Variants in CKMT2 observed in about 807,000 individuals in gnomAD.
CKMT2 encodes the protein creatine kinase, mitochondrial 2.
CKMT2 carries 43 observed loss-of-function variants against 48.9 expected under a neutral mutation model. That is an observed-to-expected ratio of 0.88 (90% CI 0.69 to 1.13). The LOEUF (loss-of-function observed/expected upper bound fraction) is 1.13. CKMT2 is among the 50% of genes most tolerant of loss of function. The pLI, the probability that CKMT2 is intolerant of heterozygous loss-of-function variation, is 0.00. For missense variants in CKMT2, 472 were observed against 555.4 expected (o/e 0.85, Z 1.51); for synonymous variants, 206 against 213.0 (o/e 0.97, Z 0.29).
Position 81,233,337 on chromosome 5 carries a change from C to A in CKMT2, c.-61C>A. 1.0e-6 allele frequency: 1 copy of A among 985,760 alleles called. No individual in the cohort carries two copies. The highest frequency in any genetic ancestry group is 1.2e-6 in the Non-Finnish European group (1 of 830,196). 61.1% of individuals were successfully genotyped at this position (985,760 alleles called of 1,614,324 possible). On this transcript the variant is annotated 5_prime_UTR_variant, in exon 1 of 10. The change creates a new upstream start codon in the 5' untranslated region. Transcript: ENST00000254035. ...AGCTCGCCCTGCATACACTTCTTGG[C>A]TGTGTGCGCTCAGCAGGACGTGGGA...
At chr5:81,262,804 T>C (rs1396369140) in intron 8 of CKMT2, among the ~76,000 whole-genome samples, 3 of 152,288 alleles carry the variant, frequency 2.0e-5, no homozygotes, top group East Asian at 3.9e-4. Context: ...GAAATACCAT[T>C]TGACCCAGCC....
At chr5:81,254,647 A>C (rs1238593891) in intron 4 of CKMT2, 156 bp downstream of exon 4, 1 of 649,314 alleles carries the variant, frequency 1.5e-6, no homozygotes, top group Non-Finnish European at 2.7e-6. Context: ...GGCCACAGAG[A>C]AGGTTAGGAG....
rs902857199 is a variant in CKMT2 at position 81,256,066 on chromosome 5, C to T, written c.670-849C>T. ...TCTCTCCCACTTAGAGACTGCAGGA[C>T]TCCTCTCCCCACATCCACTTGGTCT... On this transcript the variant is annotated intron_variant, in intron 5 of 9. Coordinates refer to ENST00000254035, the MANE Select transcript of CKMT2 (RefSeq NM_001099735.2). 2.0e-5 allele frequency among the ~76,000 whole-genome samples: 3 copies of T among 152,136 alleles called. No homozygotes were observed. The East Asian group carries it at 5.8e-4, about 29-fold the overall frequency.
At chr5:81,260,648 T>G (rs941334756) in intron 8 of CKMT2, among the ~76,000 whole-genome samples, 1 of 152,026 alleles carries the variant, frequency 6.6e-6, no homozygotes, top group Non-Finnish European at 1.5e-5. Flanking sequence ...ACATACACCC[T>G]CCCAAGACTA....
intron 8 of CKMT2, among the ~76,000 whole-genome samples, chr5:81,260,115 G>GACTACTGGGTAAATAACGAAATA (rs1339332872): frequency 6.6e-6 from 1 of 152,192 alleles, no homozygotes; most frequent in East Asian, 1.9e-4. Flanking sequence ...GCTCCTGAAT[G>GACTACTGGGTAAATAACGAAATA]ACTACTGGGT....
chr5:81,250,980 GAA>G (rs1266643682), intron 1 of CKMT2, 131 bp from the exon 2 acceptor site: 2 of 378,792 alleles, frequency 5.3e-6, no homozygotes, highest in East Asian at 3.5e-5. Context: ...CACACACACA[GAA>G]AGAGAGAGAG....
intron 5 of CKMT2, 114 bp downstream of exon 5, chr5:81,255,328 G>A (rs1756967198): frequency 1.1e-6 from 1 of 912,270 alleles, no homozygotes. Context: ...AGCTTGCTGG[G>A]CTCCACCCCT....
intron 6 of CKMT2, among the ~76,000 whole-genome samples, chr5:81,257,206 G>C (rs1757044319): frequency 6.6e-6 from 1 of 151,478 alleles, no homozygotes; most frequent in South Asian, 2.1e-4. Context: ...GTGTTTCTAA[G>C]ATGTGTAGAA....
chr5:81,246,726 C>A (rs971797975), intron 1 of CKMT2, among the ~76,000 whole-genome samples: 1 of 152,106 alleles, frequency 6.6e-6, no homozygotes, highest in Non-Finnish European at 1.5e-5. Context: ...CCTGTGAGAA[C>A]GGGCACAGTG....
chr5:81,251,167 G>A lies in CKMT2; in HGVS notation c.35G>A (p.Arg12His), dbSNP rs749646583. The change falls in exon 2 of 10, where the codon CGC becomes CAC. Residue 12 changes from arginine (R) to histidine (H), a missense_variant. Coordinates refer to ENST00000254035, the MANE Select transcript of CKMT2 (RefSeq NM_001099735.2). ...ASIFSKLLTG[R>H]NASLLFATMG... ...ATCTTTTCTAAGTTGCTAACTGGCC[G>A]CAATGCTTCTCTGCTGTTTGCTACC... is the stretch of plus-strand genomic sequence containing the variant. 30 of 1,613,866 alleles carry A rather than the reference G, an allele frequency of 1.9e-5. No homozygotes were observed. Among genetic ancestry groups the A allele is most frequent in the Admixed American group, 1.3e-4 (8 of 59,976 alleles).
At chr5:81,236,856 C>T (rs1187298192) in intron 1 of CKMT2, among the ~76,000 whole-genome samples, 1 of 152,130 alleles carries the variant, frequency 6.6e-6, no homozygotes, top group Non-Finnish European at 1.5e-5. Flanking sequence ...ATAGAAAATA[C>T]AAATTAAAAG....
At chr5:81,243,518 A>G (rs1756505910) in intron 1 of CKMT2, among the ~76,000 whole-genome samples, 1 of 152,200 alleles carries the variant, frequency 6.6e-6, no homozygotes, top group Non-Finnish European at 1.5e-5. Context: ...TAATATTAGA[A>G]TAGAGATACA....
At chr5:81,245,216 C>T (rs1756566910) in intron 1 of CKMT2, 1 of 151,966 alleles carries the variant, frequency 6.6e-6, no homozygotes, top group Non-Finnish European at 1.5e-5. Context: ...TTGTCAAGAT[C>T]CAGAAAAGGG....
chr5:81,244,085 G>A (rs1017212430), intron 1 of CKMT2: 2 of 985,340 alleles, frequency 2.0e-6, no homozygotes, highest in African/African-American at 3.5e-5. Flanking sequence ...CACTAAACGG[G>A]TTGGGGAGGA....
At chr5:81,251,067 A>T in intron 1 of CKMT2, 46 bp from the exon 2 acceptor site, 1 of 1,517,502 alleles carries the variant, frequency 6.6e-7, no homozygotes, top group Non-Finnish European at 9.0e-7. Context: ...GTTGTGGCTC[A>T]GGGTCATCCT....
chr5:81,248,678 T>C (rs893122256), intron 1 of CKMT2, among the ~76,000 whole-genome samples: 1 of 152,250 alleles, frequency 6.6e-6, no homozygotes, highest in Non-Finnish European at 1.5e-5. Context: ...AGTAACTTAC[T>C]GGCTTTAGAA....
chr5:81,266,074 C>CTGTT, intron 9 of CKMT2, 65 bp from the exon 10 acceptor site: 1 of 1,502,990 alleles, frequency 6.7e-7, no homozygotes. Context: ...AGTGCTGTTC[C>CTGTT]TGTTAATCAA....
Position 81,254,466 on chromosome 5 carries a change from A to G in CKMT2, c.422A>G (p.His141Arg), listed in dbSNP as rs1362567691. The G allele has an allele frequency of 6.2e-7, 1 of 1,614,150 alleles. No homozygotes were observed. Among genetic ancestry groups the G allele is most frequent in the East Asian group, 2.2e-5 (1 of 44,868 alleles). ...HNGYDPRVMK[H>R]TTDLDASKIT... is the part of the protein sequence containing the mutation. ...GGCTATGACCCCAGGGTGATGAAGC[A>G]CACAACGGATCTGGATGCATCAAAG... Residue 141 changes from histidine to arginine, a missense_variant, in exon 4 of 10, where the codon CAC (histidine) becomes CGC (arginine). Coordinates refer to ENST00000254035, the MANE Select transcript of CKMT2 (RefSeq NM_001099735.2).
chr5:81,259,260 G>A lies in CKMT2; in HGVS notation c.1014+6G>A. Reference sequence around the variant, plus strand: ...GGATCCCAAAGCTCAGCAAGGTACTGTTATGTGCCCAGTGGCCCTGATGGG... The same window carrying A: ...GGATCCCAAAGCTCAGCAAGGTACTATTATGTGCCCAGTGGCCCTGATGGG... On this transcript the variant is annotated splice_donor_region_variant and intron_variant, in intron 8 of 9. Transcript: ENST00000254035. 1.2e-6 allele frequency: 2 copies of A among 1,612,174 alleles called. No individual in the cohort carries two copies. The highest frequency in any genetic ancestry group is 1.7e-6 in the Non-Finnish European group (2 of 1,179,064).
Sources: gnomAD v4.1 joint callset for allele counts (sites outside exome capture counted in the v4.1 genomes callset) on GRCh38, gnomAD v4.1.1 for gene constraint, MANE v1.5 for transcripts, NCBI Gene and HGNC (gene_info 2026-07-23, HGNC 2026-07-21) for gene names.